Variants in ASIC2 observed in about 807,000 individuals in gnomAD.
The protein encoded by ASIC2 is acid-sensing ion channel 2.
In ASIC2, 25 loss-of-function variants were observed where a neutral mutation model predicts 57.3. That is an observed-to-expected ratio of 0.44 (90% CI 0.32 to 0.61). The LOEUF is 0.61. Among genes scored for constraint, ASIC2 ranks in the 20% least tolerant of loss-of-function variants. The probability of loss-of-function intolerance (pLI) is 0.06; values close to 1 mark genes in which losing one functional copy is unlikely to be tolerated. For missense variants in ASIC2, 641 were observed against 738.1 expected (o/e 0.87, Z 1.52); for synonymous variants, 319 against 307.5 (o/e 1.04, Z -0.39).
At chr17:33,648,402 C>T (rs754731486) in intron 1 of ASIC2, among the ~76,000 whole-genome samples, 15 of 152,194 alleles carry the variant, frequency 9.9e-5, no homozygotes, top group African/African-American at 1.9e-4. Flanking sequence ...ATGAGCACTT[C>T]GCATGTTGTT....
intron 1 of ASIC2, among the ~76,000 whole-genome samples, chr17:33,384,875 G>A (rs1909617451): frequency 6.6e-6 from 1 of 152,134 alleles, no homozygotes. Flanking sequence ...GGTCTCATAT[G>A]CCCAATGCCA....
Position 33,291,697 on chromosome 17 carries a change from G to A in ASIC2, c.419C>T (p.Pro140Leu), listed in dbSNP as rs890595384. The part of the protein sequence containing the change: ...FPAVTVCNNN[P>L]LRFPRLSKGD... Reference sequence around the variant, plus strand: ...CTTGGAGAGGCGCGGGAAGCGCAGCGGGTTGTTGTTGCACACAGTGACGGC... The same window carrying A: ...CTTGGAGAGGCGCGGGAAGCGCAGCAGGTTGTTGTTGCACACAGTGACGGC... Residue 140 changes from proline (P) to leucine (L), a missense_variant, in exon 1 of 10, where the codon CCG (proline) becomes CTG (leucine). Pro to Leu is a moderately conservative substitution (Grantham distance 98). Around this residue, in one of 3 missense-constraint regions of ASIC2, gnomAD observed 382 missense variants for 398.0 expected, o/e 0.96. Transcript: ENST00000225823. The A allele has an allele frequency of 1.9e-6, 3 of 1,613,580 alleles. No homozygotes were observed. The African/African-American group carries it at 4.0e-5, about 21-fold the overall frequency.
At chr17:33,966,034 A>C (rs571574631) in intron 1 of ASIC2, among the ~76,000 whole-genome samples, 2 of 152,232 alleles carry the variant, frequency 1.3e-5, no homozygotes. Flanking sequence ...CTCTGCATAG[A>C]GAAGAAGAAC....
chr17:33,676,872 G>A (rs932219384), intron 1 of ASIC2, among the ~76,000 whole-genome samples: 1 of 152,206 alleles, frequency 6.6e-6, no homozygotes, highest in Non-Finnish European at 1.5e-5. Context: ...GGTGGAAGGT[G>A]TCTGGGTCAT....
chr17:33,917,654 A>G (rs956892310), intron 1 of ASIC2, among the ~76,000 whole-genome samples: 2 of 152,152 alleles, frequency 1.3e-5, no homozygotes, highest in Admixed American at 1.3e-4. Context: ...AAATCTTATA[A>G]TAAACCTCAT....
chr17:34,124,608 AAAC>A (rs568628443), intron 1 of ASIC2, among the ~76,000 whole-genome samples: 1 of 152,148 alleles, frequency 6.6e-6, no homozygotes, highest in African/African-American at 2.4e-5. Context: ...AAAAATAAAC[AAAC>A]AACAACAACA....
At chr17:33,467,206 G>T (rs968574884) in intron 1 of ASIC2, among the ~76,000 whole-genome samples, 1 of 152,172 alleles carries the variant, frequency 6.6e-6, no homozygotes, top group Admixed American at 6.5e-5. Flanking sequence ...CTCCCAAAGT[G>T]TTGGGATTAC....
intron 1 of ASIC2, among the ~76,000 whole-genome samples, chr17:33,437,257 C>CT (rs1911658001): frequency 6.6e-6 from 1 of 152,170 alleles, no homozygotes; most frequent in South Asian, 2.1e-4. Context: ...AGCAATCCTC[C>CT]TGCCTCAGCC....
intron 1 of ASIC2, among the ~76,000 whole-genome samples, chr17:33,933,366 C>G (rs142192859): frequency 9.2e-5 from 14 of 152,336 alleles, no homozygotes; most frequent in African/African-American, 1.7e-4. Context: ...AGACAGGGAG[C>G]CTCTGTCTCT....
At chr17:33,315,834 C>T (rs1159222695) in intron 1 of ASIC2, among the ~76,000 whole-genome samples, 5 of 152,232 alleles carry the variant, frequency 3.3e-5, no homozygotes, top group Admixed American at 1.3e-4. Flanking sequence ...GGATCAGAAA[C>T]CACAGTGGAG....
intron 1 of ASIC2, among the ~76,000 whole-genome samples, chr17:33,358,310 C>T (rs1466274182): frequency 1.3e-5 from 2 of 152,182 alleles, no homozygotes; most frequent in East Asian, 3.9e-4. Context: ...AAAATATTTA[C>T]TATCTGCCCC....
At chr17:33,939,885 T>A (rs565992165) in intron 1 of ASIC2, among the ~76,000 whole-genome samples, 6 of 152,300 alleles carry the variant, frequency 3.9e-5, no homozygotes, top group Non-Finnish European at 8.8e-5. Context: ...GGAAAGGTGG[T>A]GCTGCTGGTT....
intron 1 of ASIC2, among the ~76,000 whole-genome samples, chr17:33,633,023 T>A (rs1906224934): frequency 6.6e-6 from 1 of 152,208 alleles, no homozygotes; most frequent in African/African-American, 2.4e-5. Flanking sequence ...CCCTGCTGGC[T>A]TCTCCTGTGT....
At chr17:33,095,585 G>A (rs550924330) in intron 2 of ASIC2, among the ~76,000 whole-genome samples, 2 of 152,214 alleles carry the variant, frequency 1.3e-5, no homozygotes, top group Non-Finnish European at 2.9e-5. Context: ...GTGGATCTGT[G>A]TGGATCTCAC....
intron 1 of ASIC2, among the ~76,000 whole-genome samples, chr17:34,085,233 G>T (rs537394466): frequency 6.6e-6 from 1 of 152,124 alleles, no homozygotes; most frequent in Non-Finnish European, 1.5e-5. Context: ...AATTTATTGA[G>T]AGTTTTTAGC....
chr17:33,430,139 C>T (rs1033078907), intron 1 of ASIC2, among the ~76,000 whole-genome samples: 1 of 152,222 alleles, frequency 6.6e-6, no homozygotes. Flanking sequence ...ACCCTGGCTC[C>T]TCGCTGGTCT....
intron 1 of ASIC2, among the ~76,000 whole-genome samples, chr17:33,178,054 C>G (rs920944156): frequency 1.3e-5 from 2 of 152,132 alleles, no homozygotes; most frequent in African/African-American, 2.4e-5. Flanking sequence ...CTAGCTTCCC[C>G]TGAAGGTTAT....
intron 1 of ASIC2, among the ~76,000 whole-genome samples, chr17:33,658,142 C>A (rs1396411176): frequency 6.6e-6 from 1 of 152,214 alleles, no homozygotes; most frequent in Non-Finnish European, 1.5e-5. Flanking sequence ...CATCTGGGCT[C>A]AGTCCAATTT....
chr17:33,562,946 G>A (rs1352637706), intron 1 of ASIC2, among the ~76,000 whole-genome samples: 1 of 152,142 alleles, frequency 6.6e-6, no homozygotes, highest in Non-Finnish European at 1.5e-5. Context: ...CAACTTCCCT[G>A]CATACCACAG....
Sources: allele counts gnomAD v4.1 joint callset (sites outside exome capture counted in the v4.1 genomes callset), GRCh38; gene constraint gnomAD v4.1.1; regional missense constraint gnomAD v4.1.1; transcripts MANE v1.5; gene names NCBI Gene and HGNC (gene_info 2026-07-23, HGNC 2026-07-21).